Variants in FBXL13 observed in about 807,000 individuals in gnomAD.
FBXL13 encodes the protein F-box and leucine-rich repeat protein 13.
FBXL13 carries 67 observed loss-of-function variants against 83.6 expected under a neutral mutation model. The observed-to-expected ratio is 0.80, with a 90% CI of 0.66 to 0.98. The LOEUF (loss-of-function observed/expected upper bound fraction) is 0.98. FBXL13 is among the 50% of genes least tolerant of loss of function. The probability of loss-of-function intolerance (pLI) is 0.00; values close to 1 mark genes in which losing one functional copy is unlikely to be tolerated. For synonymous variants in FBXL13, 272 were observed against 299.5 expected (o/e 0.91, Z 0.95); for missense variants, 822 against 866.5 (o/e 0.95, Z 0.64).
At chr7:102,876,984 A>T (rs1239756284) in intron 16 of FBXL13, among the ~76,000 whole-genome samples, 3 of 152,190 alleles carry the variant, frequency 2.0e-5, no homozygotes, top group South Asian at 4.1e-4. Flanking sequence ...ATGTGGCCTG[A>T]GTCTCAACCC....
chr7:103,074,372 C>A, exon 1 of FBXL13: 3 of 1,051,680 alleles, frequency 2.9e-6, no homozygotes, highest in Non-Finnish European at 3.5e-6. Flanking sequence ...TCTCACTCCT[C>A]CACTCCTCAG....
At chr7:102,927,135 C>G (rs1013185016) in intron 9 of FBXL13, among the ~76,000 whole-genome samples, 1 of 152,132 alleles carries the variant, frequency 6.6e-6, no homozygotes, top group Admixed American at 6.5e-5. Context: ...TTTACAAGAC[C>G]AGATGAATTG....
intron 6 of FBXL13, among the ~76,000 whole-genome samples, chr7:102,997,651 A>G (rs1374061046): frequency 1.3e-5 from 2 of 152,136 alleles, no homozygotes; most frequent in African/African-American, 4.8e-5. Flanking sequence ...AGTTCCCACA[A>G]TGAGTGAGAA....
intron 10 of FBXL13, among the ~76,000 whole-genome samples, chr7:102,917,733 G>C (rs1483980352): frequency 6.6e-6 from 1 of 152,214 alleles, no homozygotes; most frequent in East Asian, 1.9e-4. Flanking sequence ...ATTGTTCCAG[G>C]ATGACACTTC....
intron 11 of FBXL13, among the ~76,000 whole-genome samples, chr7:102,892,920 A>G (rs535044624): frequency 3.7e-4 from 57 of 152,332 alleles, no homozygotes; most frequent in Non-Finnish European, 6.8e-4. Flanking sequence ...TATTTACACC[A>G]TAGAATTCAG....
At chr7:102,889,105 G>A (rs1811181436) in intron 11 of FBXL13, among the ~76,000 whole-genome samples, 1 of 152,190 alleles carries the variant, frequency 6.6e-6, no homozygotes, top group South Asian at 2.1e-4. Flanking sequence ...CCATGGGAAA[G>A]AATCAAGAAG....
rs776846719 is a variant in FBXL13, at chr7:103,046,650, CTCA to C, written c.-1+8991_-1+8993del. On this transcript the variant is annotated intron_variant, in intron 2 of 19. Coordinates refer to ENST00000313221, the Ensembl canonical transcript of FBXL13. ...CCTATAAGTGCACATAATAGACCCC[CTCA>C]TCATTTCTATTGGCTACAGAGGCAT... is the stretch of plus-strand genomic sequence containing the variant. 5.0e-4 allele frequency among the ~76,000 whole-genome samples: 76 copies of C among 152,282 alleles called. 1 individual carries two copies. Among genetic ancestry groups the C allele is most frequent in the Non-Finnish European group, 5.4e-4 (37 of 68,034 alleles).
At chr7:102,870,857 A>G (rs1278272180) in intron 16 of FBXL13, among the ~76,000 whole-genome samples, 1 of 152,178 alleles carries the variant, frequency 6.6e-6, no homozygotes, top group Admixed American at 6.5e-5. Context: ...TCGAGGCTGC[A>G]GTAAGTTTTG....
At chr7:102,850,445 C>T (rs572169157) in intron 17 of FBXL13, among the ~76,000 whole-genome samples, 4 of 152,148 alleles carry the variant, frequency 2.6e-5, no homozygotes, top group Non-Finnish European at 5.9e-5. Flanking sequence ...TCAAATATAA[C>T]TGATCACCAT....
At chr7:102,963,698 G>A (rs747195114) in intron 7 of FBXL13, 33 bp from the exon 9 acceptor site, 1 of 1,569,046 alleles carries the variant, frequency 6.4e-7, no homozygotes, top group Non-Finnish European at 8.6e-7. Flanking sequence ...ATTAAGAAAT[G>A]AGAAAGTCCC....
chr7:102,829,977 T>G (rs1305662242), intron 18 of FBXL13, among the ~76,000 whole-genome samples: 1 of 152,214 alleles, frequency 6.6e-6, no homozygotes, highest in African/African-American at 2.4e-5. Context: ...ACCCACAGTC[T>G]GACCAGAACA....
At chr7:102,868,657 T>TTTTTG (rs369830040) in intron 16 of FBXL13, among the ~76,000 whole-genome samples, 70 of 152,132 alleles carry the variant, frequency 4.6e-4, no homozygotes, top group Non-Finnish European at 7.4e-4. Context: ...CTTTGTGGTT[T>TTTTTG]TTTTGTTTTG....
chr7:102,910,937 T>G (rs1348180935), intron 11 of FBXL13, among the ~76,000 whole-genome samples: 1 of 152,130 alleles, frequency 6.6e-6, no homozygotes, highest in Non-Finnish European at 1.5e-5. Flanking sequence ...TTTTTGCATT[T>G]CTGGTAGAGA....
At chr7:102,980,218 T>G (rs1156890317) in intron 6 of FBXL13, among the ~76,000 whole-genome samples, 1 of 152,198 alleles carries the variant, frequency 6.6e-6, no homozygotes, top group African/African-American at 2.4e-5. Flanking sequence ...GAAAACTTAC[T>G]ACAAAGATAT....
chr7:103,018,084 G>A (rs1792603459), intron 6 of FBXL13, among the ~76,000 whole-genome samples: 1 of 152,152 alleles, frequency 6.6e-6, no homozygotes, highest in South Asian at 2.1e-4. Flanking sequence ...GAAAGGTCAG[G>A]TTACCCACAA....
At chr7:102,822,100 A>G in exon 19 of FBXL13, 1 of 1,614,232 alleles carries the variant, frequency 6.2e-7, no homozygotes, top group South Asian at 1.1e-5. Context: ...GCCTATCTGA[A>G]GGTCCTCAAG....
At chr7:102,892,074 T>G (rs527267112) in intron 11 of FBXL13, among the ~76,000 whole-genome samples, 1 of 152,380 alleles carries the variant, frequency 6.6e-6, no homozygotes, top group African/African-American at 2.4e-5. Flanking sequence ...CATGAAATTC[T>G]GTGTCATTTC....
intron 7 of FBXL13, among the ~76,000 whole-genome samples, chr7:102,964,404 A>ATTTTT (rs1554482400): frequency 5.6e-5 from 8 of 143,296 alleles, no homozygotes; most frequent in African/African-American, 2.1e-4. Flanking sequence ...ATATATATAT[A>ATTTTT]TTTTTTTTTT....
upstream of FBXL13, chr7:103,074,655 C>T: frequency 7.8e-7 from 1 of 1,280,868 alleles, no homozygotes; most frequent in Non-Finnish European, 1.0e-6. Flanking sequence ...CTTCTAACTC[C>T]CCACCGACGG....
Sources: allele counts gnomAD v4.1 joint callset (sites outside exome capture counted in the v4.1 genomes callset), GRCh38; gene constraint gnomAD v4.1.1; transcripts MANE v1.5; gene names NCBI Gene and HGNC (gene_info 2026-07-23, HGNC 2026-07-21).